The following ITGA1 variants were observed in gnomAD, a reference collection of about 807,000 sequenced individuals.
ITGA1 encodes the protein integrin alpha-1.
Under a neutral mutation model 145.9 loss-of-function variants are expected in ITGA1, and 85 were observed. The observed-to-expected ratio is 0.58, with a 90% confidence interval of 0.49 to 0.70. The LOEUF (loss-of-function observed/expected upper bound fraction) is 0.70, where lower values mean the gene tolerates loss of function less well. Ranked by LOEUF, ITGA1 falls within the 30% of genes least tolerant of loss-of-function variation. The pLI is 0.00. For synonymous variants in ITGA1, 520 were observed against 495.3 expected (o/e 1.05, Z -0.66); for missense variants, 1,351 against 1,418.7 (o/e 0.95, Z 0.77).
chr5:52,810,144 A>G (rs1431295454), intron 1 of ITGA1, among the ~76,000 whole-genome samples: 3 of 152,200 alleles, frequency 2.0e-5, no homozygotes, highest in Admixed American at 6.5e-5. Context: ...GGATGGTGAC[A>G]GGGGAGTTTG....
At chr5:52,791,404 G>C (rs1184197391) in intron 1 of ITGA1, among the ~76,000 whole-genome samples, 15 of 152,150 alleles carry the variant, frequency 9.9e-5, no homozygotes, top group Admixed American at 9.8e-4. Flanking sequence ...GTGGCCATTA[G>C]ACTGGAGTTG....
intron 27 of ITGA1, 29 bp from the exon 28 acceptor site, chr5:52,947,316 T>G (rs1363987897): frequency 5.1e-6 from 7 of 1,363,602 alleles, no homozygotes; most frequent in Non-Finnish European, 6.3e-6. Flanking sequence ...GTGTTTATTA[T>G]GTTAACAATC....
At chr5:52,800,709 G>T (rs1748456778) in intron 1 of ITGA1, 1 of 1,614,090 alleles carries the variant, frequency 6.2e-7, no homozygotes, top group African/African-American at 1.3e-5. Context: ...TCGAGCTGGA[G>T]CCCAACCGCC....
At chr5:52,917,476 A>G (rs1341142772) in intron 15 of ITGA1, among the ~76,000 whole-genome samples, 1 of 150,294 alleles carries the variant, frequency 6.7e-6, no homozygotes, top group Non-Finnish European at 1.5e-5. Flanking sequence ...ATACTCAGAA[A>G]CCTTTTTTTT....
At chr5:52,833,744 T>A (rs1003324044) in intron 1 of ITGA1, among the ~76,000 whole-genome samples, 1 of 152,166 alleles carries the variant, frequency 6.6e-6, no homozygotes, top group African/African-American at 2.4e-5. Context: ...CAAATTGAAG[T>A]TGTTCTGATA....
intron 6 of ITGA1, among the ~76,000 whole-genome samples, chr5:52,872,298 C>CT (rs1462801824): frequency 1.3e-5 from 2 of 152,080 alleles, no homozygotes; most frequent in Non-Finnish European, 2.9e-5. Context: ...TGTCAGTCTG[C>CT]TTACAGTTTC....
At position 52,933,935 on chromosome 5, in the gene ITGA1, C is replaced by G. The variant is rs1398972579; in HGVS notation, c.2903C>G (p.Thr968Arg). ...EYHISIAANE[T>R]VPEVINSTED... ...CACATTTCAATTGCTGCCAATGAGA[C>G]AGTCCCTGAAGTTATTAATTCTACT... The change falls in exon 23 of 29, where the codon ACA (threonine) becomes AGA (arginine). Residue 968 changes from threonine to arginine, a missense_variant. By Grantham distance (71) the Thr-to-Arg change is moderately conservative (BLOSUM62 -1). Coordinates refer to ENST00000282588, the MANE Select transcript of ITGA1 (RefSeq NM_181501.2). 1 of 1,539,132 alleles carries G rather than the reference C, an allele frequency of 6.5e-7. No individual in the cohort carries two copies. Among genetic ancestry groups the G allele is most frequent in the South Asian group, 1.3e-5 (1 of 77,130 alleles).
intron 14 of ITGA1, among the ~76,000 whole-genome samples, chr5:52,910,680 CTA>C (rs1402935369): frequency 6.9e-6 from 1 of 145,188 alleles, no homozygotes; most frequent in South Asian, 2.1e-4. Flanking sequence ...TATATACACA[CTA>C]TATATACTAT....
intron 1 of ITGA1, among the ~76,000 whole-genome samples, chr5:52,833,080 T>G (rs1295671176): frequency 2.0e-5 from 3 of 151,820 alleles, no homozygotes; most frequent in Non-Finnish European, 4.4e-5. Context: ...TAATCCCAGC[T>G]ACTTGGGAGG....
intron 20 of ITGA1, among the ~76,000 whole-genome samples, chr5:52,928,963 CT>C (rs538703251): frequency 1.1e-3 from 173 of 152,286 alleles, no homozygotes; most frequent in African/African-American, 3.8e-3. Flanking sequence ...TTAATTTCGG[CT>C]TTGTGGTGTG....
intron 6 of ITGA1, among the ~76,000 whole-genome samples, chr5:52,870,438 A>G (rs1580071575): frequency 5.8e-5 from 2 of 34,358 alleles, no homozygotes; most frequent in East Asian, 4.6e-4. Context: ...CTAAAAGACT[A>G]TGAATGTAGT....
intron 15 of ITGA1, among the ~76,000 whole-genome samples, chr5:52,917,577 T>G (rs1230076283): frequency 6.6e-6 from 1 of 152,202 alleles, no homozygotes; most frequent in African/African-American, 2.4e-5. Context: ...TTAAAAATAA[T>G]AAATCCCATT....
At chr5:52,885,405 TAGGAAATTCAAC>T (rs1750031483) in intron 7 of ITGA1, among the ~76,000 whole-genome samples, 1 of 151,126 alleles carries the variant, frequency 6.6e-6, no homozygotes, top group Admixed American at 6.6e-5. Flanking sequence ...TCCTATCACC[TAGGAAATTCAAC>T]AGATTAGAAT....
chr5:52,922,732 C>T (rs758836990), intron 17 of ITGA1, 45 bp from the exon 18 acceptor site: 12 of 1,236,174 alleles, frequency 9.7e-6, no homozygotes, highest in East Asian at 2.3e-5. Flanking sequence ...TCAGAACACC[C>T]GGTAAATATG....
chr5:52,812,542 C>T (rs1430817325), intron 1 of ITGA1, among the ~76,000 whole-genome samples: 1 of 152,136 alleles, frequency 6.6e-6, no homozygotes, highest in African/African-American at 2.4e-5. Context: ...TTTCACTTAT[C>T]CGGTAGGTAA....
Position 52,925,505 on chromosome 5 carries a change from C to A in ITGA1, c.2613+18C>A, listed in dbSNP as rs781098934. The A allele has an allele frequency of 3.2e-6, 5 of 1,562,146 alleles. No individual in the cohort carries two copies. In the African/African-American group the frequency reaches 5.4e-5, roughly 17 times the overall value. ...GAATTGAGGTAAACTTCCAGTTTTT[C>A]ATTTATTTGTTCTCTTAACATCATT... On this transcript the variant is annotated intron_variant, in intron 19 of 28. Transcript: ENST00000282588.
chr5:52,830,690 G>T (rs1749047448), intron 1 of ITGA1, among the ~76,000 whole-genome samples: 1 of 152,142 alleles, frequency 6.6e-6, no homozygotes. Context: ...TGATCATAAT[G>T]TGGAATAGTA....
intron 1 of ITGA1, 57 bp downstream of exon 1, chr5:52,788,471 G>A (rs2111633100): frequency 2.9e-6 from 4 of 1,356,958 alleles, no homozygotes; most frequent in Non-Finnish European, 3.9e-6. Flanking sequence ...GGCTTGGAGC[G>A]GGGAGGGAGG....
At chr5:52,907,306 C>A (rs979817542) in intron 12 of ITGA1, among the ~76,000 whole-genome samples, 1 of 151,842 alleles carries the variant, frequency 6.6e-6, no homozygotes, top group South Asian at 2.1e-4. Context: ...GGTAAGAGAA[C>A]GTAAAATAAG....
Sources: allele counts gnomAD v4.1 joint callset (sites outside exome capture counted in the v4.1 genomes callset), GRCh38; gene constraint gnomAD v4.1.1; transcripts MANE v1.5; gene names NCBI Gene and HGNC (gene_info 2026-07-23, HGNC 2026-07-21).